The following SPON1 variants were observed in gnomAD, a reference collection of about 807,000 sequenced individuals.
The protein encoded by SPON1 is spondin 1.
In SPON1, 52 loss-of-function variants were observed where a neutral mutation model predicts 111.7. The observed-to-expected ratio is 0.47, with a 90% CI of 0.37 to 0.59. The LOEUF (loss-of-function observed/expected upper bound fraction) is 0.59. Ranked by LOEUF, SPON1 falls within the 20% of genes least tolerant of loss-of-function variation. The pLI, the probability that SPON1 is intolerant of heterozygous loss-of-function variation, is 0.00. For synonymous variants in SPON1, 410 were observed against 395.8 expected (o/e 1.04, Z -0.43); for missense variants, 957 against 1,068.5 (o/e 0.90, Z 1.46).
chr11:14,054,775 A>G (rs1848732430), intron 3 of SPON1, among the ~76,000 whole-genome samples: 1 of 152,222 alleles, frequency 6.6e-6, no homozygotes, highest in Admixed American at 6.5e-5. Flanking sequence ...TCAGGAAACC[A>G]GCGAGAGCAA....
At chr11:14,036,320 G>A (rs569620994) in intron 2 of SPON1, among the ~76,000 whole-genome samples, 1 of 152,334 alleles carries the variant, frequency 6.6e-6, no homozygotes, top group South Asian at 2.1e-4. Flanking sequence ...GTTCAGAGAA[G>A]AAATGATGTA....
At chr11:14,074,312 C>G (rs1272750076) in intron 3 of SPON1, among the ~76,000 whole-genome samples, 1 of 152,174 alleles carries the variant, frequency 6.6e-6, no homozygotes, top group Non-Finnish European at 1.5e-5. Context: ...GAAAGTCATC[C>G]TGGCCTAGGC....
chr11:14,131,517 A>G (rs1437988427), intron 5 of SPON1, among the ~76,000 whole-genome samples: 2 of 152,196 alleles, frequency 1.3e-5, no homozygotes, highest in South Asian at 4.2e-4. Context: ...CCTCCTTCCA[A>G]CTGGAAAGTT....
chr11:14,025,902 C>G (rs1295111770), intron 2 of SPON1, among the ~76,000 whole-genome samples: 3 of 152,164 alleles, frequency 2.0e-5, no homozygotes, highest in Non-Finnish European at 4.4e-5. Context: ...GTTCCTTTGC[C>G]TGTTTCTCTC....
At chr11:14,140,213 T>A (rs1847637736) in intron 6 of SPON1, among the ~76,000 whole-genome samples, 1 of 152,244 alleles carries the variant, frequency 6.6e-6, no homozygotes, top group African/African-American at 2.4e-5. Flanking sequence ...CTTTCCACTA[T>A]TCTAGTCCTT....
At chr11:14,249,181 A>C (rs1455983001) in intron 7 of SPON1, among the ~76,000 whole-genome samples, 1 of 152,172 alleles carries the variant, frequency 6.6e-6, no homozygotes, top group African/African-American at 2.4e-5. Context: ...TGATTAGATA[A>C]AGGTCGTGTT....
At chr11:14,194,218 T>A (rs1316310795) in intron 6 of SPON1, among the ~76,000 whole-genome samples, 2 of 152,140 alleles carry the variant, frequency 1.3e-5, no homozygotes, top group Non-Finnish European at 2.9e-5. Context: ...ATCTTCCCAT[T>A]GGTGTGCGAG....
chr11:14,003,563 G>T (rs1430581297), intron 2 of SPON1, among the ~76,000 whole-genome samples: 2 of 152,124 alleles, frequency 1.3e-5, no homozygotes, highest in Non-Finnish European at 2.9e-5. Flanking sequence ...ACCCACATTT[G>T]GCTGGGTCAC....
At chr11:14,207,175 A>G (rs1848526551) in intron 6 of SPON1, among the ~76,000 whole-genome samples, 1 of 152,206 alleles carries the variant, frequency 6.6e-6, no homozygotes, top group Admixed American at 6.5e-5. Flanking sequence ...GGATAATTGG[A>G]TAGCCATATG....
chr11:14,153,064 T>C (rs1438440157), intron 6 of SPON1, among the ~76,000 whole-genome samples: 1 of 152,212 alleles, frequency 6.6e-6, no homozygotes, highest in Non-Finnish European at 1.5e-5. Flanking sequence ...GGCAGATGTA[T>C]GGCCTGGTTT....
At chr11:14,022,371 A>G (rs182724874) in intron 2 of SPON1, among the ~76,000 whole-genome samples, 14 of 152,332 alleles carry the variant, frequency 9.2e-5, no homozygotes, top group Admixed American at 9.2e-4. Flanking sequence ...ATCTGTTCTC[A>G]CTTTTATATC....
intron 6 of SPON1, among the ~76,000 whole-genome samples, chr11:14,179,886 C>T (rs939527668): frequency 2.2e-4 from 34 of 152,082 alleles, no homozygotes; most frequent in African/African-American, 4.6e-4. Context: ...CCCCTCCCCG[C>T]GTAAAAAGAT....
chr11:14,207,953 T>G (rs1848533110), intron 6 of SPON1, among the ~76,000 whole-genome samples: 2 of 152,186 alleles, frequency 1.3e-5, no homozygotes. Context: ...GGAATCAACC[T>G]AAATGCCCAT....
rs1591431335 is a variant in SPON1, at chr11:14,261,724, T to C, written c.1996+972T>C. 3.9e-5 allele frequency among the ~76,000 whole-genome samples: 6 copies of C among 152,150 alleles called. No individual in the cohort carries two copies. The South Asian group carries it at 1.2e-3, about 32-fold the overall frequency. ...CATGGTTCAGGCCAGCTCACCAGAG[T>C]TGGGGCCCCATAGCCTTCTGACTTA... On this transcript the variant is annotated intron_variant, in intron 14 of 15. Transcript: ENST00000576479.
At chr11:14,234,411 G>A (rs1408803670) in intron 6 of SPON1, among the ~76,000 whole-genome samples, 3 of 152,206 alleles carry the variant, frequency 2.0e-5, no homozygotes, top group Non-Finnish European at 1.5e-5. Flanking sequence ...TGGGATGGGA[G>A]GCAGGCATGC....
rs1051330797 is a variant in SPON1 at position 14,173,313 on chromosome 11, G to A, written c.825+37745G>A. 7.9e-5 allele frequency among the ~76,000 whole-genome samples: 12 copies of A among 152,120 alleles called. No homozygotes were observed. The South Asian group carries it at 1.5e-3, about 18-fold the overall frequency. The stretch of plus-strand genomic sequence containing the variant: ...CTACTGAGGCTTGTGCATTCGTCAC[G>A]TAGTTCTAGTGCCATGGTTTTCAGC... On this transcript the variant is annotated intron_variant, in intron 6 of 15. Transcript: ENST00000576479.
intron 6 of SPON1, among the ~76,000 whole-genome samples, chr11:14,196,435 T>C (rs552761492): frequency 6.6e-6 from 1 of 152,272 alleles, no homozygotes; most frequent in South Asian, 2.1e-4. Flanking sequence ...TACTAAAAAT[T>C]ATTGAGTTAC....
chr11:14,229,434 G>T (rs1564935880), intron 6 of SPON1, among the ~76,000 whole-genome samples: 1 of 152,180 alleles, frequency 6.6e-6, no homozygotes, highest in Non-Finnish European at 1.5e-5. Context: ...GGTGATGTAG[G>T]AGATTTGGTC....
intron 6 of SPON1, among the ~76,000 whole-genome samples, chr11:14,236,312 G>A (rs1331918960): frequency 6.6e-6 from 1 of 152,140 alleles, no homozygotes; most frequent in Non-Finnish European, 1.5e-5. Flanking sequence ...CGATGGATCA[G>A]TTGCAGGGTG....
Sources: gnomAD v4.1 joint callset for allele counts (sites outside exome capture counted in the v4.1 genomes callset) on GRCh38, gnomAD v4.1.1 for gene constraint, MANE v1.5 for transcripts, NCBI Gene and HGNC (gene_info 2026-07-23, HGNC 2026-07-21) for gene names.